ARHGAP24: variants seen among roughly 807,000 people sequenced by gnomAD.
ARHGAP24 encodes rho GTPase-activating protein 24.
In ARHGAP24, 50 loss-of-function variants were observed where a neutral mutation model predicts 76.4. The ratio of observed to expected loss-of-function variants is 0.65; its 90% CI spans 0.52 to 0.83. ARHGAP24 has a LOEUF of 0.83. Among genes scored for constraint, ARHGAP24 ranks in the 40% least tolerant of loss-of-function variants. The pLI, the probability that ARHGAP24 is intolerant of heterozygous loss-of-function variation, is 0.00. For missense variants in ARHGAP24, 930 were observed against 914.2 expected, an observed-to-expected ratio of 1.02 and a Z score of -0.22; for synonymous variants, 345 against 323.3, an observed-to-expected ratio of 1.07 and a Z score of -0.72.
chr4:85,891,323 C>A (rs1733878911), intron 3 of ARHGAP24, among the ~76,000 whole-genome samples: 1 of 145,968 alleles, frequency 6.9e-6, no homozygotes, highest in Admixed American at 6.9e-5. Context: ...AATTTGACTT[C>A]CTCTTTTCCT....
At chr4:85,932,820 C>T (rs1267339885) in intron 4 of ARHGAP24, among the ~76,000 whole-genome samples, 1 of 152,198 alleles carries the variant, frequency 6.6e-6, no homozygotes, top group Non-Finnish European at 1.5e-5. Context: ...CTGGAGCCCG[C>T]TGCATCCCAG....
At chr4:85,646,548 A>C (rs892601044) in intron 2 of ARHGAP24, among the ~76,000 whole-genome samples, 2 of 152,054 alleles carry the variant, frequency 1.3e-5, no homozygotes, top group Non-Finnish European at 2.9e-5. Flanking sequence ...ATTCCTCTTT[A>C]GTTCAAAAGT....
At chr4:85,509,762 TG>T (rs1724203095) in intron 1 of ARHGAP24, among the ~76,000 whole-genome samples, 1 of 152,116 alleles carries the variant, frequency 6.6e-6, no homozygotes. Flanking sequence ...GATTTCACTT[TG>T]TTTGAACCTG....
chr4:85,711,226 A>C (rs1724515162), intron 2 of ARHGAP24, among the ~76,000 whole-genome samples: 1 of 152,054 alleles, frequency 6.6e-6, no homozygotes, highest in South Asian at 2.1e-4. Flanking sequence ...GGAGCAACAG[A>C]CACTGGGGCC....
intron 5 of ARHGAP24, among the ~76,000 whole-genome samples, chr4:85,946,857 C>A (rs910630901): frequency 1.3e-5 from 2 of 152,130 alleles, no homozygotes; most frequent in Non-Finnish European, 2.9e-5. Context: ...ATTAGTGGGA[C>A]TGCTGGGTTG....
At chr4:85,991,934 C>T in intron 8 of ARHGAP24, 2 of 386,298 alleles carry the variant, frequency 5.2e-6, no homozygotes, top group Non-Finnish European at 9.2e-6. Context: ...TATTTAAAGT[C>T]CCTAGGTTTT....
chr4:85,756,865 G>A (rs1726516792), intron 3 of ARHGAP24, among the ~76,000 whole-genome samples: 1 of 152,312 alleles, frequency 6.6e-6, no homozygotes, highest in African/African-American at 2.4e-5. Flanking sequence ...ATTAAGACTA[G>A]GATAGTGGAA....
chr4:85,507,316 G>T (rs977057669), intron 1 of ARHGAP24, among the ~76,000 whole-genome samples: 1 of 151,980 alleles, frequency 6.6e-6, no homozygotes, highest in Admixed American at 6.6e-5. Context: ...TAACATACTG[G>T]GCACAAGTGA....
rs539136003 is a variant in ARHGAP24 at position 85,661,988 on chromosome 4, G to A, written c.181-59897G>A. 3.3e-3 allele frequency among the ~76,000 whole-genome samples: 507 copies of A among 152,314 alleles called. 1 individual carries two copies. Among genetic ancestry groups the A allele is most frequent in the African/African-American group, 0.012 (490 of 41,570 alleles). ...TGCAGCAGTAAACATACGTGTGCAT[G>A]TGTCTTTATAGCAGCATGATTTGTA... On this transcript the variant is annotated intron_variant, in intron 2 of 9. Transcript: ENST00000395184.
At chr4:85,812,648 T>C (rs1729063567) in intron 3 of ARHGAP24, among the ~76,000 whole-genome samples, 1 of 152,250 alleles carries the variant, frequency 6.6e-6, no homozygotes, top group African/African-American at 2.4e-5. Flanking sequence ...TCTTTCCCTG[T>C]GTTCCTTGAG....
At chr4:85,931,073 A>T in intron 4 of ARHGAP24, 2 of 1,571,060 alleles carry the variant, frequency 1.3e-6, no homozygotes, top group Non-Finnish European at 1.7e-6. Context: ...TGTCCTTTTT[A>T]TAAATATAAA....
At chr4:85,845,290 A>C (rs536907017) in intron 3 of ARHGAP24, among the ~76,000 whole-genome samples, 1 of 152,302 alleles carries the variant, frequency 6.6e-6, no homozygotes, top group Non-Finnish European at 1.5e-5. Context: ...ATGCAGACAA[A>C]TTTGAAAAAC....
intron 1 of ARHGAP24, among the ~76,000 whole-genome samples, chr4:85,493,818 A>G (rs1185357640): frequency 6.6e-6 from 1 of 152,192 alleles, no homozygotes; most frequent in Non-Finnish European, 1.5e-5. Flanking sequence ...CTATTTACTT[A>G]TTTGCTTAAA....
intron 1 of ARHGAP24, among the ~76,000 whole-genome samples, chr4:85,483,856 G>C (rs1333733994): frequency 6.6e-6 from 1 of 152,072 alleles, no homozygotes; most frequent in Non-Finnish European, 1.5e-5. Context: ...AAATTACTGA[G>C]CCCCACCCAG....
chr4:85,566,478 A>C (rs926253176), intron 1 of ARHGAP24, among the ~76,000 whole-genome samples: 16 of 152,356 alleles, frequency 1.1e-4, no homozygotes, highest in African/African-American at 3.8e-4. Context: ...TGCTAATTGA[A>C]GTCTTCTATG....
At chr4:85,631,182 C>A (rs1721146080) in intron 2 of ARHGAP24, among the ~76,000 whole-genome samples, 1 of 152,198 alleles carries the variant, frequency 6.6e-6, no homozygotes, top group African/African-American at 2.4e-5. Flanking sequence ...CTCTTAGTTT[C>A]TTTTAGTACT....
chr4:85,591,517 G>A (rs1034879126), intron 2 of ARHGAP24, among the ~76,000 whole-genome samples: 11 of 152,286 alleles, frequency 7.2e-5, no homozygotes, highest in Non-Finnish European at 1.6e-4. Flanking sequence ...ATACTGCAGT[G>A]CTCAACTCTA....
intron 3 of ARHGAP24, among the ~76,000 whole-genome samples, chr4:85,873,247 C>A (rs1732641325): frequency 6.6e-6 from 1 of 152,180 alleles, no homozygotes. Flanking sequence ...TTCCTCTCTG[C>A]AAATGGGATT....
chr4:85,923,763 C>T lies in ARHGAP24; in HGVS notation c.384C>T (p.Phe128=), dbSNP rs140738674. ...TCCGCCGAGTCATATGGGGACCTTTCGGAGGAGGTGAGTGTACTTTAAAAT... is the reference window on the plus strand; with the variant it reads ...TCCGCCGAGTCATATGGGGACCTTTTGGAGGAGGTGAGTGTACTTTAAAAT... The part of the protein sequence containing the change: ...KSIRRVIWGP[F]GGGIFGQKLE... The change falls in exon 4 of 10, where the codon TTC becomes TTT. Residue 128 remains phenylalanine (F), a synonymous_variant. Coordinates refer to ENST00000395184, the MANE Select transcript of ARHGAP24 (RefSeq NM_001025616.3). 2.7e-5 allele frequency: 44 copies of T among 1,613,800 alleles called. No individual in the cohort carries two copies. In the African/African-American group the frequency reaches 4.5e-4, roughly 17 times the overall value.
Sources: allele counts gnomAD v4.1 joint callset (sites outside exome capture counted in the v4.1 genomes callset), GRCh38; gene constraint gnomAD v4.1.1; transcripts MANE v1.5; gene names NCBI Gene and HGNC (gene_info 2026-07-23, HGNC 2026-07-21).